SYNE1: variants seen among roughly 807,000 people sequenced by gnomAD.
The protein encoded by SYNE1 is spectrin repeat containing nuclear envelope protein 1.
SYNE1 carries 616 observed loss-of-function variants against 1,111.0 expected under a neutral mutation model. That is an observed-to-expected ratio of 0.55 (90% confidence interval 0.52 to 0.59). The LOEUF is 0.59. SYNE1 is among the 20% of genes least tolerant of loss of function. The pLI, the probability that SYNE1 is intolerant of heterozygous loss-of-function variation, is 0.00. For missense variants in SYNE1, 10,006 were observed against 10,417.0 expected (o/e 0.96, Z 1.72); for synonymous variants, 3,855 against 3,825.8 (o/e 1.01, Z -0.28).
chr6:152,168,778 A>G (rs2635447), intron 130 of SYNE1, among the ~76,000 whole-genome samples: 78,723 of 151,956 alleles, frequency 0.52, 20,576 homozygotes, highest in East Asian at 0.76. Context: ...CTTTGAGTAG[A>G]CTATTTGGGG....
chr6:152,300,788 C>A lies in SYNE1; in HGVS notation c.17542-7G>T. On this transcript the variant is annotated splice_region_variant and splice_polypyrimidine_tract_variant and intron_variant, in intron 92 of 145. Transcript: ENST00000367255. The stretch of plus-strand genomic sequence containing the variant: ...GACAGCGACCTGCAGTCATCTGCCA[C>A]GTAAAATGTAGCCCAAAGGACATGA... 1 of 1,614,168 alleles carries A rather than the reference C, an allele frequency of 6.2e-7. No homozygotes were observed. The highest frequency in any genetic ancestry group is 8.5e-7 in the Non-Finnish European group (1 of 1,180,034).
At chr6:152,127,621 C>T (rs1019900804) in intron 145 of SYNE1, 9 of 152,268 alleles carry the variant, frequency 5.9e-5, no homozygotes, top group Middle Eastern at 6.8e-3. Context: ...GAAGGCCTAC[C>T]TCAAATAGCA....
Position 152,122,247 on chromosome 6 carries a change from G to T in SYNE1, c.*189C>A, listed in dbSNP as rs1585305896. ...TTCCAAACCTTCTTGTTGTCTGTTT[G>T]TTCCCCCGTCACTGTTTATCTTCCA... On this transcript the variant is annotated 3_prime_UTR_variant, in exon 146 of 146. Coordinates refer to ENST00000367255, the MANE Select transcript of SYNE1 (RefSeq NM_182961.4). 1 of 832,546 alleles carries T rather than the reference G, an allele frequency of 1.2e-6. No homozygotes were observed. Among genetic ancestry groups the T allele is most frequent in the Non-Finnish European group, 1.9e-6 (1 of 527,246 alleles). 51.6% of individuals were successfully genotyped at this position (832,546 alleles called of 1,614,324 possible). A position where few individuals can be genotyped will look rare whatever the true frequency, so the allele number is the denominator to read the frequency against.
At chr6:152,575,028 A>G (rs1358860518) in intron 3 of SYNE1, among the ~76,000 whole-genome samples, 2 of 152,222 alleles carry the variant, frequency 1.3e-5, no homozygotes, top group African/African-American at 4.8e-5. Context: ...ATAAATGTGA[A>G]TGAATGTACC....
intron 45 of SYNE1, among the ~76,000 whole-genome samples, chr6:152,405,579 T>C (rs1347336207): frequency 2.6e-5 from 4 of 152,230 alleles, no homozygotes; most frequent in South Asian, 2.1e-4. Context: ...ATTTTGTAAA[T>C]TTAGTTACAA....
At position 152,331,312 on chromosome 6, in the gene SYNE1, A is replaced by C. The variant is rs764410604; in HGVS notation, c.13373T>G (p.Phe4458Cys). ...LNKALSEKTQFLMAVFQATSQ... is the reference protein window; with the variant it reads ...LNKALSEKTQCLMAVFQATSQ... The stretch of plus-strand genomic sequence containing the variant: ...GGTGGCCTGGAACACTGCCATGAGA[A>C]ACTGGGTTTTCTCGGACAAGGCTTT... The change falls in exon 78 of 146, where the codon TTT becomes TGT. Residue 4458 changes from phenylalanine to cysteine, a missense_variant. By Grantham distance (205) the Phe-to-Cys change is radical. This residue lies in a region of SYNE1 where 4,955 missense variants were observed against 5,017.2 expected (regional missense o/e 0.99). Transcript: ENST00000367255. 28 of 1,614,016 alleles carry C rather than the reference A, an allele frequency of 1.7e-5. No individual in the cohort carries two copies. Among genetic ancestry groups the C allele is most frequent in the Non-Finnish European group, 2.3e-5 (27 of 1,180,038 alleles).
intron 122 of SYNE1, 82 bp downstream of exon 122, chr6:152,214,824 T>G: frequency 6.5e-7 from 1 of 1,540,592 alleles, no homozygotes; most frequent in Non-Finnish European, 9.0e-7. Context: ...TTATAAATTA[T>G]GCATTCTGTA....
At chr6:152,347,628 A>G (rs973687452) in intron 72 of SYNE1, among the ~76,000 whole-genome samples, 1 of 151,352 alleles carries the variant, frequency 6.6e-6, no homozygotes, top group African/African-American at 2.4e-5. Flanking sequence ...TCAACTTTAT[A>G]TAATATCTTA....
intron 20 of SYNE1, 87 bp from the exon 21 acceptor site, chr6:152,461,827 A>C (rs955537019): frequency 1.9e-6 from 3 of 1,554,984 alleles, no homozygotes; most frequent in African/African-American, 2.7e-5. Flanking sequence ...ACAAAAATCA[A>C]TATGCACTGT....
At chr6:152,502,578 G>C in intron 10 of SYNE1, 55 bp downstream of exon 10, 1 of 1,337,674 alleles carries the variant, frequency 7.5e-7, no homozygotes, top group Non-Finnish European at 1.1e-6. Flanking sequence ...TACTCAAAAA[G>C]CTGAGTCACT....
Position 152,387,088 on chromosome 6 carries a change from ATAT to A in SYNE1, c.8468_8470del (p.Asp2823_Ile2824delinsVal), listed in dbSNP as rs758110231. The stretch of plus-strand genomic sequence containing the variant: ...AGCACTAACCTTGGCAACAGTCATT[ATAT>A]CATTAAACTGTGTTTTCAGCTCCTC... On this transcript the variant is annotated inframe_deletion, in exon 54 of 146. Transcript: ENST00000367255. 37 of 1,613,506 alleles carry A rather than the reference ATAT, an allele frequency of 2.3e-5. No homozygotes were observed. The highest frequency in any genetic ancestry group is 3.0e-5 in the Non-Finnish European group (35 of 1,179,630).
chr6:152,123,139 T>C (rs376197580), intron 145 of SYNE1, among the ~76,000 whole-genome samples: 1 of 152,240 alleles, frequency 6.6e-6, no homozygotes. Flanking sequence ...ATCCTGGATA[T>C]GCCAAAATCC....
intron 76 of SYNE1, among the ~76,000 whole-genome samples, chr6:152,334,785 C>A (rs374456129): frequency 6.6e-6 from 1 of 152,150 alleles, no homozygotes; most frequent in African/African-American, 2.4e-5. Flanking sequence ...ACTAAATATC[C>A]TGTGACTAAG....
intron 55 of SYNE1, among the ~76,000 whole-genome samples, chr6:152,384,958 T>C (rs928588689): frequency 6.6e-6 from 1 of 152,172 alleles, no homozygotes; most frequent in Non-Finnish European, 1.5e-5. Flanking sequence ...TTTTATGTTC[T>C]GATCTTGGAA....
At chr6:152,317,007 A>C (rs367598019) in intron 86 of SYNE1, 21 bp from the exon 87 acceptor site, 1 of 1,612,936 alleles carries the variant, frequency 6.2e-7, no homozygotes, top group Non-Finnish European at 8.5e-7. Context: ...AGTAACATTA[A>C]TGTAACAAAT....
chr6:152,148,318 G>T lies in SYNE1; in HGVS notation c.24703C>A (p.Leu8235Met). The T allele has an allele frequency of 1.9e-6, 3 of 1,614,198 alleles. No individual in the cohort carries two copies. Among genetic ancestry groups the T allele is most frequent in the Non-Finnish European group, 2.5e-6 (3 of 1,180,022 alleles). Residue 8235 changes from leucine (L) to methionine (M), a missense_variant, in exon 137 of 146, where the codon CTG (leucine) becomes ATG (methionine). Physicochemically the swap from Leu to Met is conservative, Grantham distance 15. Around this residue, in one of 7 missense-constraint regions of SYNE1, gnomAD observed 761 missense variants for 795.5 expected, o/e 0.96. Transcript: ENST00000367255. The surrounding 1 kb of genome is among the most constrained non-coding windows in gnomAD (Gnocchi z 4.1). ...RELELEDSAA[L>M]SDLHWHDRSA... Reference sequence around the variant, plus strand: ...CGGTCGTGCCAGTGCAGGTCCGACAGAGCTGCAGAGTCTTCCAGCTCCAGC... The same window carrying T: ...CGGTCGTGCCAGTGCAGGTCCGACATAGCTGCAGAGTCTTCCAGCTCCAGC...
intron 3 of SYNE1, among the ~76,000 whole-genome samples, chr6:152,540,885 T>C (rs2099266168): frequency 6.6e-6 from 1 of 152,170 alleles, no homozygotes; most frequent in Non-Finnish European, 1.5e-5. Flanking sequence ...TCTGTTAACA[T>C]TGTGACAGAG....
chr6:152,374,922 ATTATT>A (rs140950913), intron 58 of SYNE1, among the ~76,000 whole-genome samples: 4,226 of 149,756 alleles, frequency 0.028, 90 homozygotes, highest in East Asian at 0.11. Flanking sequence ...TTTTTAGTTT[ATTATT>A]TTATTTTATT....
intron 46 of SYNE1, 136 bp from the exon 47 acceptor site, chr6:152,401,477 T>G: frequency 1.2e-6 from 1 of 834,314 alleles, no homozygotes; most frequent in Non-Finnish European, 1.9e-6. Context: ...AATGTTAATA[T>G]GCCTTTCCAA....
Sources: allele counts gnomAD v4.1 joint callset (sites outside exome capture counted in the v4.1 genomes callset), GRCh38; gene constraint gnomAD v4.1.1; regional missense constraint gnomAD v4.1.1; non-coding constraint Gnocchi (gnomAD v3.1); transcripts MANE v1.5; gene names NCBI Gene and HGNC (gene_info 2026-07-23, HGNC 2026-07-21).